CNOT1: variants seen among roughly 807,000 people sequenced by gnomAD.
CNOT1 encodes the protein CCR4-associated factor 1.
Under a neutral mutation model 273.8 loss-of-function variants are expected in CNOT1, and 15 were observed. The ratio of observed to expected loss-of-function variants is 0.05; its 90% CI spans 0.04 to 0.08. The LOEUF is 0.08. Among genes scored for constraint, CNOT1 ranks in the 10% least tolerant of loss-of-function variants. The pLI, the probability that CNOT1 is intolerant of heterozygous loss-of-function variation, is 1.00. For missense variants in CNOT1, 1,644 were observed against 2,912.2 expected (o/e 0.56, Z 10.02); for synonymous variants, 1,022 against 1,005.5 (o/e 1.02, Z -0.31).
rs2039737171 is a variant in CNOT1, at chr16:58,530,237, GTTAA to G, written c.6279+5_6279+8del. ...TTATTTTAATTTATAATAAATCCAA[GTTAA>G]TTACCTTGTAGAGGATTTGCATAGG... is the stretch of plus-strand genomic sequence containing the variant. On this transcript the variant is annotated splice_donor_5th_base_variant and intron_variant, in intron 43 of 48. Coordinates refer to ENST00000317147, the MANE Select transcript of CNOT1 (RefSeq NM_016284.5). 6.4e-7 allele frequency: 1 copy of G among 1,572,410 alleles called. No individual in the cohort carries two copies. Among genetic ancestry groups the G allele is most frequent in the African/African-American group, 1.4e-5 (1 of 74,008 alleles).
intron 17 of CNOT1, 200 bp downstream of exon 17, chr16:58,560,012 C>T: frequency 1.4e-6 from 2 of 1,414,718 alleles, no homozygotes; most frequent in African/African-American, 1.4e-5. Context: ...TATATTTCCT[C>T]TTAGAGTCAC....
chr16:58,561,189 G>T (rs1597461374), intron 16 of CNOT1, among the ~76,000 whole-genome samples: 1 of 152,254 alleles, frequency 6.6e-6, no homozygotes, highest in South Asian at 2.1e-4. Context: ...AAAGCGGAAG[G>T]AAAACTTGCT....
At chr16:58,551,037 T>C (rs1567401284) in intron 24 of CNOT1, 95 bp downstream of exon 24, 47 of 1,547,498 alleles carry the variant, frequency 3.0e-5, no homozygotes, top group Non-Finnish European at 4.0e-5. Context: ...TTATTACCTC[T>C]ACCTTTAAAG....
intron 1 of CNOT1, among the ~76,000 whole-genome samples, chr16:58,608,774 G>A (rs1297070499): frequency 6.6e-6 from 1 of 152,178 alleles, no homozygotes; most frequent in Non-Finnish European, 1.5e-5. Flanking sequence ...CAACGGAATA[G>A]TACTCAGCCA....
In CNOT1 at chr16:58,530,281, C is replaced by T; in HGVS notation, c.6244G>A (p.Val2082Met). 1.2e-6 allele frequency: 2 copies of T among 1,612,232 alleles called. No individual in the cohort carries two copies. The highest frequency in any genetic ancestry group is 1.7e-6 in the Non-Finnish European group (2 of 1,178,742). ...FKYLAPFLRN[V>M]ELTKPMQILY... is the part of the protein sequence containing the mutation. The stretch of plus-strand genomic sequence containing the variant: ...ATTTGCATAGGTTTGGTGAGTTCCA[C>T]ATTTCTAAGGAAAGGCGCTAAATAT... The change falls in exon 43 of 49, where the codon GTG (valine) becomes ATG (methionine). Residue 2082 changes from valine to methionine, a missense_variant. By Grantham distance (21) the Val-to-Met change is conservative. Transcript: ENST00000317147.
chr16:58,581,551 T>C, intron 10 of CNOT1, 36 bp from the exon 11 acceptor site: 2 of 1,560,960 alleles, frequency 1.3e-6, no homozygotes, highest in South Asian at 2.5e-5. Flanking sequence ...ATGTAATGAA[T>C]GTGTGTATAT....
chr16:58,551,351 T>C lies in CNOT1; in HGVS notation c.3202-79A>G, dbSNP rs916455421. Reference sequence around the variant, plus strand: ...AAAAAATCCAATAATGTATACAGATTTAGTGTTAAAAAATACACATGGTAT... The same window carrying C: ...AAAAAATCCAATAATGTATACAGATCTAGTGTTAAAAAATACACATGGTAT... On this transcript the variant is annotated intron_variant, in intron 23 of 48. Coordinates refer to ENST00000317147, the MANE Select transcript of CNOT1 (RefSeq NM_016284.5). 2.1e-6 allele frequency: 3 copies of C among 1,414,964 alleles called. No individual in the cohort carries two copies. In the African/African-American group the frequency reaches 4.3e-5, roughly 20 times the overall value. 87.7% of individuals were successfully genotyped at this position (1,414,964 alleles called of 1,614,324 possible).
intron 15 of CNOT1, 62 bp downstream of exon 15, chr16:58,574,945 C>T: frequency 6.3e-7 from 1 of 1,592,778 alleles, no homozygotes; most frequent in Non-Finnish European, 8.5e-7. Context: ...AAAAGTTGTA[C>T]TTGATAGCCA....
intron 2 of CNOT1, among the ~76,000 whole-genome samples, chr16:58,593,917 C>T (rs2042153621): frequency 6.6e-6 from 1 of 152,144 alleles, no homozygotes; most frequent in Non-Finnish European, 1.5e-5. Flanking sequence ...TGCTACAATA[C>T]AGATGAATCC....
chr16:58,608,645 A>T (rs987058007), intron 1 of CNOT1, among the ~76,000 whole-genome samples: 13 of 101,508 alleles, frequency 1.3e-4, no homozygotes, highest in Non-Finnish European at 2.4e-4. Context: ...AGAAATTATT[A>T]TACAAAAAAG....
chr16:58,524,584 A>T (rs2039522244), intron 46 of CNOT1, among the ~76,000 whole-genome samples: 1 of 152,288 alleles, frequency 6.6e-6, no homozygotes, highest in South Asian at 2.1e-4. Flanking sequence ...TCAAGAATCA[A>T]TAGCAAAGTT....
Position 58,575,018 on chromosome 16 carries a change from G to T in CNOT1, c.1816C>A (p.Arg606=), listed in dbSNP as rs1398629342. 6.2e-7 allele frequency: 1 copy of T among 1,613,826 alleles called. No individual in the cohort carries two copies. Among genetic ancestry groups the T allele is most frequent in the Non-Finnish European group, 8.5e-7 (1 of 1,179,976 alleles). The change falls in exon 15 of 49, where the codon CGA becomes AGA. Residue 606 remains arginine (R), a synonymous_variant. Coordinates refer to ENST00000317147, the MANE Select transcript of CNOT1 (RefSeq NM_016284.5). ...KLDKWLTDKI[R]EHGEPFIQAC... ...CAAATCCTGCTTACCCCATGCTCTC[G>T]AATTTTATCTGTGAGCCACTTATCA...
At chr16:58,626,190 C>T (rs1597633745) in intron 1 of CNOT1, among the ~76,000 whole-genome samples, 1 of 151,872 alleles carries the variant, frequency 6.6e-6, no homozygotes, top group Non-Finnish European at 1.5e-5. Context: ...GGCAGATCAC[C>T]TGAGGTCAGG....
At chr16:58,564,665 G>C (rs1597467961) in intron 16 of CNOT1, among the ~76,000 whole-genome samples, 1 of 152,252 alleles carries the variant, frequency 6.6e-6, no homozygotes, top group South Asian at 2.1e-4. Flanking sequence ...TTCTTACACA[G>C]TTTCAAACTT....
intron 1 of CNOT1, among the ~76,000 whole-genome samples, chr16:58,612,080 C>T (rs917654747): frequency 1.3e-5 from 2 of 152,022 alleles, no homozygotes; most frequent in Non-Finnish European, 2.9e-5. Context: ...GTGATCCTCC[C>T]ACCTGAGCCT....
intron 31 of CNOT1, chr16:58,543,250 T>G: frequency 6.5e-7 from 1 of 1,542,302 alleles, no homozygotes; most frequent in Non-Finnish European, 8.7e-7. Context: ...AACATCACTT[T>G]AAGTCATTTT....
chr16:58,560,497 A>G (rs970085535), intron 16 of CNOT1, 135 bp from the exon 17 acceptor site: 24 of 1,411,738 alleles, frequency 1.7e-5, no homozygotes, highest in African/African-American at 8.7e-5. Context: ...CAGTAGCACG[A>G]TATCAATTCA....
intron 22 of CNOT1, among the ~76,000 whole-genome samples, chr16:58,552,646 A>C (rs2040491830): frequency 6.6e-6 from 1 of 152,224 alleles, no homozygotes; most frequent in African/African-American, 2.4e-5. Context: ...CCCTCCTAAT[A>C]AACCTAGAAG....
rs1364696037 is a variant in CNOT1 at position 58,532,403 on chromosome 16, A to G, written c.5896-8T>C. 4.3e-6 allele frequency: 7 copies of G among 1,609,862 alleles called. No individual in the cohort carries two copies. In the East Asian group the frequency reaches 1.6e-4, roughly 36 times the overall value. On this transcript the variant is annotated splice_region_variant and splice_polypyrimidine_tract_variant and intron_variant, in intron 40 of 48. Transcript: ENST00000317147. ...CACTACTATACCAAGGACCTACGTA[A>G]AACACAAATCAGAGCTTGTAAATCA... is the stretch of plus-strand genomic sequence containing the variant.
Sources: allele counts gnomAD v4.1 joint callset (sites outside exome capture counted in the v4.1 genomes callset), GRCh38; gene constraint gnomAD v4.1.1; transcripts MANE v1.5; gene names NCBI Gene and HGNC (gene_info 2026-07-23, HGNC 2026-07-21).